Variants in CDKN1B observed in about 807,000 individuals in gnomAD.
The protein encoded by CDKN1B is cyclin dependent kinase inhibitor 1B.
CDKN1B carries 7 observed loss-of-function variants against 17.1 expected under a neutral mutation model. The observed-to-expected ratio is 0.41, with a 90% CI of 0.23 to 0.77. The LOEUF is 0.77. Ranked by LOEUF, CDKN1B falls within the 30% of genes least tolerant of loss-of-function variation. The pLI is 0.33. For synonymous variants in CDKN1B, 149 were observed against 104.3 expected (o/e 1.43, Z -2.61); for missense variants, 337 against 262.0 (o/e 1.29, Z -1.98).
chr12:12,719,028 TG>T, intron 2 of CDKN1B, 74 bp downstream of exon 2: 25 of 1,580,792 alleles, frequency 1.6e-5, no homozygotes, highest in Non-Finnish European at 2.2e-5. Flanking sequence ...TCTTACTGGT[TG>T]CTGGCAAATT....
chr12:12,719,109 GA>G, intron 2 of CDKN1B, 155 bp downstream of exon 2: 1 of 847,720 alleles, frequency 1.2e-6, no homozygotes, highest in South Asian at 1.5e-5. Context: ...GAAGGCTGGG[GA>G]TACGGTAATT....
rs1465844938 is a variant in CDKN1B, at chr12:12,718,005, A to G, written c.166A>G (p.Ser56Gly). 1 of 1,614,240 alleles carries G rather than the reference A, an allele frequency of 6.2e-7. No homozygotes were observed. The highest frequency in any genetic ancestry group is 2.2e-5 in the East Asian group (1 of 44,882). ...EKHCRDMEEA[S>G]QRKWNFDFQN... ...GCACTGCAGAGACATGGAAGAGGCGAGCCAGCGCAAGTGGAATTTCGATTT... is the reference window on the plus strand; with the variant it reads ...GCACTGCAGAGACATGGAAGAGGCGGGCCAGCGCAAGTGGAATTTCGATTT... The change falls in exon 1 of 3, where the codon AGC becomes GGC. Residue 56 changes from serine to glycine, a missense_variant. Ser to Gly is a moderately conservative substitution (Grantham distance 56, BLOSUM62 0). Coordinates refer to ENST00000228872, the MANE Select transcript of CDKN1B (RefSeq NM_004064.5).
chr12:12,719,033 G>A (rs2136357611), intron 2 of CDKN1B, 79 bp downstream of exon 2: 1 of 1,574,734 alleles, frequency 6.4e-7, no homozygotes, highest in Non-Finnish European at 8.7e-7. Flanking sequence ...CTGGTTGCTG[G>A]CAAATTAAAA....
chr12:12,717,803 A>C lies in CDKN1B; in HGVS notation c.-37A>C. On this transcript the variant is annotated 5_prime_UTR_variant, in exon 1 of 3. Coordinates refer to ENST00000228872, the MANE Select transcript of CDKN1B (RefSeq NM_004064.5). ...TTTTGTTCGGTTTTGTTTTTTTGAGAGTGCGAGAGAGGCGGTCGTGCAGAC... is the reference window on the plus strand; with the variant it reads ...TTTTGTTCGGTTTTGTTTTTTTGAGCGTGCGAGAGAGGCGGTCGTGCAGAC... 6.2e-7 allele frequency: 1 copy of C among 1,609,452 alleles called. No homozygotes were observed.
At chr12:12,718,398 C>T (rs769649508) in intron 1 of CDKN1B, 84 bp downstream of exon 1, 638 of 1,263,016 alleles carry the variant, frequency 5.1e-4, no homozygotes, top group Non-Finnish European at 6.3e-4. Context: ...TGCTTTTCGG[C>T]GTATTCTGAT....
rs1211068958 is a variant in CDKN1B at position 12,718,197 on chromosome 12, G to T, written c.358G>T (p.Gly120Trp). 6.2e-7 allele frequency: 1 copy of T among 1,612,974 alleles called. No homozygotes were observed. The change falls in exon 1 of 3, where the codon GGG becomes TGG. Residue 120 changes from glycine to tryptophan, a missense_variant. Transcript: ENST00000228872. ...GAGCCGCCCGGCGGCGCCTTTAATT[G>T]GGGCTCCGGCTAACTCTGAGGACAC... ...SGSRPAAPLI[G>W]APANSEDTHL... is the part of the protein sequence containing the mutation.
rs751288223 is a variant in CDKN1B at position 12,718,121 on chromosome 12, C to A, written c.282C>A (p.Pro94=). The A allele has an allele frequency of 1.2e-6, 2 of 1,614,202 alleles. No individual in the cohort carries two copies. The highest frequency in any genetic ancestry group is 1.7e-6 in the Non-Finnish European group (2 of 1,180,038). The stretch of plus-strand genomic sequence containing the variant: ...AGTTCTACTACAGACCCCCGCGGCC[C>A]CCCAAAGGTGCCTGCAAGGTGCCGG... ...LPEFYYRPPR[P]PKGACKVPAQ... Residue 94 remains proline, a synonymous_variant, in exon 1 of 3, where the codon CCC becomes CCA. Transcript: ENST00000228872.
At position 12,717,761 on chromosome 12, in the gene CDKN1B, T is replaced by A; in HGVS notation, c.-79T>A. ...CTGGGCTTCCGAGAGGGGTTCGGGC[T>A]GCGTAGGGGCGCTTTGTTTTGTTCG... On this transcript the variant is annotated 5_prime_UTR_variant, in exon 1 of 3. Transcript: ENST00000228872. 1 of 1,600,104 alleles carries A rather than the reference T, an allele frequency of 6.2e-7. No individual in the cohort carries two copies. The highest frequency in any genetic ancestry group is 1.1e-5 in the South Asian group (1 of 90,678).
chr12:12,719,849 C>G (rs1445226247), intron 2 of CDKN1B, among the ~76,000 whole-genome samples: 1 of 152,184 alleles, frequency 6.6e-6, no homozygotes, highest in Admixed American at 6.5e-5. Flanking sequence ...CCCCAGATAA[C>G]CAACATGGGT....
At position 12,717,583 on chromosome 12, in the gene CDKN1B, G is replaced by A. The variant is rs897088250; in HGVS notation, c.-257G>A. 17 of 1,425,548 alleles carry A rather than the reference G, an allele frequency of 1.2e-5. No homozygotes were observed. The East Asian group carries it at 3.8e-4, about 32-fold the overall frequency. 88.3% of individuals were successfully genotyped at this position (1,425,548 alleles called of 1,614,324 possible). On this transcript the variant is annotated 5_prime_UTR_variant, in exon 1 of 3. Transcript: ENST00000228872. Reference sequence around the variant, plus strand: ...GCTTTGCCACCCTCTCCGCTTGCCTGGTCCCCTCTCCTCTCCGCCCTCCCG... The same window carrying A: ...GCTTTGCCACCCTCTCCGCTTGCCTAGTCCCCTCTCCTCTCCGCCCTCCCG...
rs770131773 is a variant in CDKN1B at position 12,718,274 on chromosome 12, G to A, written c.435G>A (p.Ala145=). The A allele has an allele frequency of 6.2e-7, 1 of 1,607,496 alleles. No homozygotes were observed. The highest frequency in any genetic ancestry group is 1.3e-5 in the African/African-American group (1 of 75,064). ...CGTCGGACAGCCAGACGGGGTTAGC[G>A]GAGCAATGCGCAGGAATAAGGAAGC... ...TDPSDSQTGL[A]EQCAGIRKRP... The change falls in exon 1 of 3, where the codon GCG becomes GCA. Residue 145 remains alanine, a synonymous_variant. Coordinates refer to ENST00000228872, the MANE Select transcript of CDKN1B (RefSeq NM_004064.5).
Position 12,717,687 on chromosome 12 carries a change from C to G in CDKN1B, c.-153C>G. 1 of 1,530,500 alleles carries G rather than the reference C, an allele frequency of 6.5e-7. No homozygotes were observed. The highest frequency in any genetic ancestry group is 2.0e-5 in the Admixed American group (1 of 49,824). The allele number at this position is 1,530,500 out of a possible 1,614,324, so 94.8% of individuals were successfully genotyped here. On this transcript the variant is annotated 5_prime_UTR_variant, in exon 1 of 3. Coordinates refer to ENST00000228872, the MANE Select transcript of CDKN1B (RefSeq NM_004064.5). ...GCAGCCCCTGCGCGCTCCTAGAGCT[C>G]GGGCCGTGGCTCGTCGGGGTCTGTG... is the stretch of plus-strand genomic sequence containing the variant.
chr12:12,718,422 A>G, intron 1 of CDKN1B, 108 bp downstream of exon 1: 1 of 1,031,794 alleles, frequency 9.7e-7, no homozygotes, highest in South Asian at 1.4e-5. Flanking sequence ...GCTTTGGGAG[A>G]GCTAACTTTA....
intron 1 of CDKN1B, among the ~76,000 whole-genome samples, chr12:12,718,555 T>G (rs1946505642): frequency 6.6e-6 from 1 of 152,278 alleles, no homozygotes; most frequent in African/African-American, 2.4e-5. Flanking sequence ...TCCCTCTCAC[T>G]AGCAACTCCT....
chr12:12,718,371 G>A, intron 1 of CDKN1B, 57 bp downstream of exon 1: 1 of 1,476,246 alleles, frequency 6.8e-7, no homozygotes, highest in Non-Finnish European at 9.3e-7. Flanking sequence ...GCCTGCTGGA[G>A]GGTGTTAACC....
Position 12,717,584 on chromosome 12 carries a change from G to T in CDKN1B, c.-256G>T. 7.0e-7 allele frequency: 1 copy of T among 1,426,352 alleles called. No individual in the cohort carries two copies. The allele number at this position is 1,426,352 out of a possible 1,614,324, so 88.4% of individuals were successfully genotyped here. A position where few individuals can be genotyped will look rare whatever the true frequency, so the allele number is the denominator to read the frequency against. ...CTTTGCCACCCTCTCCGCTTGCCTG[G>T]TCCCCTCTCCTCTCCGCCCTCCCGC... On this transcript the variant is annotated 5_prime_UTR_variant, in exon 1 of 3. Transcript: ENST00000228872.
Position 12,717,807 on chromosome 12 carries a change from CGAGA to C in CDKN1B, c.-29_-26del, listed in dbSNP as rs774454456. On this transcript the variant is annotated 5_prime_UTR_variant, in exon 1 of 3. Coordinates refer to ENST00000228872, the MANE Select transcript of CDKN1B (RefSeq NM_004064.5). ...GTTCGGTTTTGTTTTTTTGAGAGTG[CGAGA>C]GAGGCGGTCGTGCAGACCCGGGAGA... 905 of 1,609,190 alleles carry C rather than the reference CGAGA, an allele frequency of 5.6e-4. 1 individual carries two copies. Among genetic ancestry groups the C allele is most frequent in the Middle Eastern group, 1.1e-3 (5 of 4,546 alleles).
intron 2 of CDKN1B, among the ~76,000 whole-genome samples, chr12:12,720,084 T>C (rs999102148): frequency 6.6e-6 from 1 of 152,234 alleles, no homozygotes; most frequent in Non-Finnish European, 1.5e-5. Context: ...ACTTCACATA[T>C]CTTTTTCAGC....
In CDKN1B at chr12:12,717,402, G is replaced by A. The variant is rs1180343882; in HGVS notation, c.-438G>A. The A allele has an allele frequency of 2.5e-6, 3 of 1,208,172 alleles. No individual in the cohort carries two copies. Among genetic ancestry groups the A allele is most frequent in the Non-Finnish European group, 3.1e-6 (3 of 964,760 alleles). The allele number at this position is 1,208,172 out of a possible 1,614,324, so 74.8% of individuals were successfully genotyped here. On this transcript the variant is annotated 5_prime_UTR_variant, in exon 1 of 3. Transcript: ENST00000228872. ...CAGCCTCCCTTCCACCGCCATATTG[G>A]GCCACTAAAAAAAGGGGGCTCGTCT... is the stretch of plus-strand genomic sequence containing the variant.
Sources: allele counts gnomAD v4.1 joint callset (sites outside exome capture counted in the v4.1 genomes callset), GRCh38; gene constraint gnomAD v4.1.1; transcripts MANE v1.5; gene names NCBI Gene and HGNC (gene_info 2026-07-23, HGNC 2026-07-21).